The following DNM3 variants were observed in gnomAD, a reference collection of about 807,000 sequenced individuals.
DNM3 encodes dynamin 3.
DNM3 carries 47 observed loss-of-function variants against 101.6 expected under a neutral mutation model. The observed-to-expected ratio is 0.46, with a 90% CI of 0.37 to 0.59. The LOEUF is 0.59. DNM3 is among the 20% of genes least tolerant of loss of function. The pLI is 0.00. For synonymous variants in DNM3, 385 were observed against 387.9 expected (o/e 0.99, Z 0.09); for missense variants, 849 against 1,085.7 (o/e 0.78, Z 3.06).
intron 13 of DNM3, among the ~76,000 whole-genome samples, chr1:172,126,583 T>G (rs1017854180): frequency 6.6e-6 from 1 of 152,128 alleles, no homozygotes; most frequent in African/African-American, 2.4e-5. Flanking sequence ...TCAGCTACAT[T>G]AAATGCTTCT....
chr1:171,971,892 G>C lies in DNM3; in HGVS notation c.236-15764G>C, dbSNP rs186610033. Among the ~76,000 whole-genome samples, 620 of 152,270 alleles carry C rather than the reference G, an allele frequency of 4.1e-3. 1 individual carries two copies. Among genetic ancestry groups the C allele is most frequent in the Non-Finnish European group, 6.9e-3 (472 of 68,020 alleles). On this transcript the variant is annotated intron_variant, in intron 2 of 20. Transcript: ENST00000627582. The stretch of plus-strand genomic sequence containing the variant: ...GTCTCTATAACTGATTAGACCAGAA[G>C]GGGAGGAGATGGCTCATAAAAAGAT...
rs146813167 is a variant in DNM3 at position 171,958,373 on chromosome 1, T to C, written c.236-29283T>C. Among the ~76,000 whole-genome samples, 4 of 152,296 alleles carry C rather than the reference T, an allele frequency of 2.6e-5. No individual in the cohort carries two copies. In the East Asian group the frequency reaches 5.8e-4, roughly 22 times the overall value. ...ATGTGTGTGTATGTGTTTGTACTTG[T>C]ATTTTTATGTGTATGTGTATGTATG... On this transcript the variant is annotated intron_variant, in intron 2 of 20. Coordinates refer to ENST00000627582, the MANE Select transcript of DNM3 (RefSeq NM_015569.5).
At chr1:172,253,298 C>T (rs2062255320) in intron 14 of DNM3, among the ~76,000 whole-genome samples, 2 of 152,110 alleles carry the variant, frequency 1.3e-5, no homozygotes, top group South Asian at 2.1e-4. Context: ...CACCATTCCC[C>T]CCGCCATTTT....
At chr1:171,895,717 C>T (rs562513605) in intron 1 of DNM3, among the ~76,000 whole-genome samples, 2 of 152,120 alleles carry the variant, frequency 1.3e-5, no homozygotes, top group East Asian at 1.9e-4. Context: ...CTTGCCCATG[C>T]CTATGTCCTG....
chr1:172,243,575 C>T (rs947008199), intron 14 of DNM3, among the ~76,000 whole-genome samples: 1 of 152,140 alleles, frequency 6.6e-6, no homozygotes, highest in Admixed American at 6.6e-5. Context: ...TAGTGTGTAG[C>T]TCCCTTTCAG....
At chr1:172,388,003 G>A (rs2069293751) in intron 19 of DNM3, among the ~76,000 whole-genome samples, 1 of 152,136 alleles carries the variant, frequency 6.6e-6, no homozygotes, top group Non-Finnish European at 1.5e-5. Context: ...GGAGGCCGAG[G>A]CAAGCGGATC....
At chr1:172,100,230 T>A (rs2054540555) in intron 13 of DNM3, among the ~76,000 whole-genome samples, 1 of 152,214 alleles carries the variant, frequency 6.6e-6, no homozygotes, top group African/African-American at 2.4e-5. Context: ...GTAACTGGAT[T>A]ATCAACCTTT....
chr1:172,102,758 C>A (rs1299240816), intron 13 of DNM3, among the ~76,000 whole-genome samples: 1 of 152,244 alleles, frequency 6.6e-6, no homozygotes, highest in Admixed American at 6.5e-5. Context: ...CTCTCTCCCT[C>A]CCTGCTTCCC....
intron 2 of DNM3, among the ~76,000 whole-genome samples, chr1:171,975,209 C>T (rs1426841221): frequency 2.0e-5 from 3 of 152,026 alleles, no homozygotes; most frequent in African/African-American, 7.2e-5. Flanking sequence ...GACTCTATTG[C>T]CTGAGTCATA....
At chr1:172,347,197 C>G (rs903044801) in intron 17 of DNM3, among the ~76,000 whole-genome samples, 9 of 147,064 alleles carry the variant, frequency 6.1e-5, no homozygotes, top group Admixed American at 2.7e-4. Flanking sequence ...AGCAGAAGCC[C>G]CCCCCGCCAA....
intron 4 of DNM3, among the ~76,000 whole-genome samples, chr1:172,021,007 C>T (rs1355565597): frequency 6.6e-6 from 1 of 152,158 alleles, no homozygotes; most frequent in African/African-American, 2.4e-5. Context: ...CTATATTCAC[C>T]TGTCTCTCCA....
At chr1:171,901,124 A>AAAAAAAG (rs2038301422) in intron 1 of DNM3, among the ~76,000 whole-genome samples, 1 of 149,216 alleles carries the variant, frequency 6.7e-6, no homozygotes, top group Non-Finnish European at 1.5e-5. Context: ...AAAAAAAAAA[A>AAAAAAAG]AAAAAAAGAA....
chr1:172,064,171 C>A (rs2051471275), intron 10 of DNM3, among the ~76,000 whole-genome samples: 1 of 152,016 alleles, frequency 6.6e-6, no homozygotes, highest in African/African-American at 2.4e-5. Flanking sequence ...TCTCTATAAA[C>A]CAATTTATAG....
At chr1:172,003,838 G>T (rs560770550) in intron 4 of DNM3, among the ~76,000 whole-genome samples, 2 of 152,078 alleles carry the variant, frequency 1.3e-5, no homozygotes, top group African/African-American at 4.8e-5. Flanking sequence ...AGGGGGTTGT[G>T]TAAGACATTT....
In DNM3 at chr1:172,250,500, C is replaced by T. The variant is rs2062126713; in HGVS notation, c.1660-3073C>T. 6.6e-5 allele frequency among the ~76,000 whole-genome samples: 10 copies of T among 152,114 alleles called. No individual in the cohort carries two copies. In the South Asian group the frequency reaches 1.9e-3, roughly 28 times the overall value. On this transcript the variant is annotated intron_variant, in intron 14 of 20. Coordinates refer to ENST00000627582, the MANE Select transcript of DNM3 (RefSeq NM_015569.5). ...AGGATTGCAATGAATTTGACAAAAT[C>T]GTTTTCAAAAATCATCTTCTCTGGT...
chr1:172,112,772 G>A (rs1042836495), intron 13 of DNM3, among the ~76,000 whole-genome samples: 9 of 152,158 alleles, frequency 5.9e-5, no homozygotes, highest in South Asian at 2.1e-4. Context: ...AGGTTGAGTC[G>A]CTCTATGCCT....
intron 14 of DNM3, among the ~76,000 whole-genome samples, chr1:172,213,207 C>G (rs1465018310): frequency 6.6e-6 from 1 of 152,090 alleles, no homozygotes; most frequent in East Asian, 1.9e-4. Context: ...GAGGAGGCCC[C>G]TTGCACACAA....
intron 1 of DNM3, among the ~76,000 whole-genome samples, chr1:171,858,987 C>G (rs1242489211): frequency 6.6e-6 from 1 of 152,138 alleles, no homozygotes; most frequent in South Asian, 2.1e-4. Context: ...GACTTTCACA[C>G]AGCCATAGCA....
At chr1:172,108,900 T>C (rs2055257142) in intron 13 of DNM3, among the ~76,000 whole-genome samples, 1 of 152,238 alleles carries the variant, frequency 6.6e-6, no homozygotes, top group Non-Finnish European at 1.5e-5. Context: ...TTGTATTGCC[T>C]GGATGGAGAA....
Sources: gnomAD v4.1 joint callset for allele counts (sites outside exome capture counted in the v4.1 genomes callset) on GRCh38, gnomAD v4.1.1 for gene constraint, MANE v1.5 for transcripts, NCBI Gene and HGNC (gene_info 2026-07-23, HGNC 2026-07-21) for gene names.